Variants in PKIB observed in about 807,000 individuals in gnomAD.
PKIB encodes cAMP-dependent protein kinase inhibitor beta, also known as PKI-beta.
In PKIB, 2 loss-of-function variants were observed where a neutral mutation model predicts 4.5. The observed-to-expected ratio is 0.44, with a 90% confidence interval of 0.18 to 1.39. The LOEUF (loss-of-function observed/expected upper bound fraction) is 1.39, where lower values mean the gene tolerates loss of function less well. Among genes scored for constraint, PKIB ranks in the 40% most tolerant of loss-of-function variants. The pLI is 0.27. For missense variants in PKIB, 94 were observed against 92.6 expected (o/e 1.02, Z -0.06); for synonymous variants, 38 against 36.0 (o/e 1.06, Z -0.20).
intron 3 of PKIB, among the ~76,000 whole-genome samples, chr6:122,704,252 A>G (rs1191122421): frequency 6.6e-6 from 1 of 152,112 alleles, no homozygotes; most frequent in Non-Finnish European, 1.5e-5. Context: ...GAGAAGGGCA[A>G]TGTGTTTTAT....
chr6:122,646,733 G>A (rs967866858), intron 2 of PKIB, among the ~76,000 whole-genome samples: 1 of 152,110 alleles, frequency 6.6e-6, no homozygotes, highest in East Asian at 1.9e-4. Flanking sequence ...AAATTTTTCT[G>A]TCATAAAATA....
At chr6:122,632,487 A>G (rs1775742498) in intron 1 of PKIB, among the ~76,000 whole-genome samples, 1 of 152,256 alleles carries the variant, frequency 6.6e-6, no homozygotes, top group Non-Finnish European at 1.5e-5. Context: ...CCACCTCCAC[A>G]GAAGTATATA....
intron 3 of PKIB, among the ~76,000 whole-genome samples, chr6:122,709,185 A>T (rs1043647000): frequency 5.3e-5 from 8 of 152,298 alleles, no homozygotes; most frequent in African/African-American, 1.7e-4. Context: ...GTAGAATGCT[A>T]ATCAACAAAG....
intron 2 of PKIB, among the ~76,000 whole-genome samples, chr6:122,523,780 A>G (rs555771843): frequency 1.6e-4 from 25 of 151,698 alleles, no homozygotes; most frequent in Admixed American, 1.4e-3. Context: ...GAAACTCGGT[A>G]TCAAGAAAAA....
intron 3 of PKIB, among the ~76,000 whole-genome samples, chr6:122,683,215 G>T (rs891088129): frequency 4.6e-5 from 7 of 152,154 alleles, no homozygotes; most frequent in African/African-American, 1.7e-4. Flanking sequence ...TTATTAAAAA[G>T]ATTTAATTGG....
chr6:122,620,539 T>G (rs1775183817), intron 1 of PKIB, among the ~76,000 whole-genome samples: 1 of 152,198 alleles, frequency 6.6e-6, no homozygotes, highest in South Asian at 2.1e-4. Flanking sequence ...AGTATCAAAA[T>G]ATTTGAGAAT....
rs373034085 is a variant in PKIB at position 122,507,985 on chromosome 6, T to A, written c.-248+30046T>A. 7.6e-4 allele frequency among the ~76,000 whole-genome samples: 116 copies of A among 152,298 alleles called. 1 individual carries two copies. Among genetic ancestry groups the A allele is most frequent in the Middle Eastern group, 3.4e-3 (1 of 294 alleles). On this transcript the variant is annotated intron_variant, in intron 2 of 6. Transcript: ENST00000392491. ...AGGGGTGGAATATTTTTAATTTTTT[T>A]AATTTTTTGTTTATGTAATTGTATT...
chr6:122,664,228 G>T (rs1777128443), intron 2 of PKIB, among the ~76,000 whole-genome samples: 1 of 152,116 alleles, frequency 6.6e-6, no homozygotes, highest in Admixed American at 6.5e-5. Context: ...ATTGGTTTTA[G>T]TGACTCAGCA....
intron 2 of PKIB, among the ~76,000 whole-genome samples, chr6:122,656,828 A>C (rs1243458218): frequency 1.3e-5 from 2 of 152,232 alleles, no homozygotes; most frequent in African/African-American, 2.4e-5. Context: ...CACACTAGCT[A>C]TATTTGCCAC....
rs1160705181 is a variant in PKIB at position 122,615,005 on chromosome 6, G to A, written c.-161+4470G>A. 2.6e-5 allele frequency among the ~76,000 whole-genome samples: 4 copies of A among 152,068 alleles called. No homozygotes were observed. The East Asian group carries it at 5.8e-4, about 22-fold the overall frequency. On this transcript the variant is annotated intron_variant, in intron 1 of 4. Coordinates refer to ENST00000368452, the MANE Select transcript of PKIB (RefSeq NM_181795.3). ...AAAAGGCCTTGAAATCTAATGAAAA[G>A]CCAGATTATAGGTATGGTGGATTTT...
chr6:122,681,615 T>C (rs1010630017), intron 3 of PKIB, among the ~76,000 whole-genome samples: 2 of 152,082 alleles, frequency 1.3e-5, no homozygotes, highest in East Asian at 1.9e-4. Flanking sequence ...GATTAACCAA[T>C]TAAGAAAAAA....
rs1290645757 is a variant in PKIB, at chr6:122,541,405, T to A, written c.-247-44516T>A. ...GGTGACAAAATCTCTCAGCATTTGC[T>A]TGTCTGTAAAGTATTTTATTTCTCC... On this transcript the variant is annotated intron_variant, in intron 2 of 6. Transcript: ENST00000392491. 2.6e-5 allele frequency among the ~76,000 whole-genome samples: 4 copies of A among 151,706 alleles called. 1 individual carries two copies. The highest frequency in any genetic ancestry group is 9.7e-5 in the African/African-American group (4 of 41,222).
At chr6:122,511,063 T>G (rs961729105) in intron 2 of PKIB, among the ~76,000 whole-genome samples, 71 of 152,160 alleles carry the variant, frequency 4.7e-4, no homozygotes, top group Non-Finnish European at 4.4e-5. Context: ...TAGACGTGGT[T>G]CAGGGTCCTG....
At chr6:122,601,061 TAA>T (rs35514778) in intron 3 of PKIB, among the ~76,000 whole-genome samples, 7 of 139,104 alleles carry the variant, frequency 5.0e-5, no homozygotes, top group South Asian at 2.3e-4. Context: ...TATGACAGAG[TAA>T]AAAAAAAAAA....
At chr6:122,716,700 T>C (rs1356992689) in intron 3 of PKIB, among the ~76,000 whole-genome samples, 2 of 152,182 alleles carry the variant, frequency 1.3e-5, no homozygotes, top group Non-Finnish European at 2.9e-5. Flanking sequence ...ATTTCCTGAA[T>C]TGAAGTTACT....
intron 1 of PKIB, among the ~76,000 whole-genome samples, chr6:122,631,723 T>C (rs548847984): frequency 2.0e-5 from 3 of 152,218 alleles, no homozygotes; most frequent in East Asian, 3.9e-4. Flanking sequence ...AGCTGATAAA[T>C]AGATGAGTTG....
intron 1 of PKIB, among the ~76,000 whole-genome samples, chr6:122,616,637 C>A (rs1433902892): frequency 6.6e-6 from 1 of 151,522 alleles, no homozygotes; most frequent in Non-Finnish European, 1.5e-5. Flanking sequence ...GGGTTAAGGA[C>A]GAAAGTGGAG....
At chr6:122,604,399 T>G (rs35584408) in intron 3 of PKIB, among the ~76,000 whole-genome samples, 19,765 of 152,166 alleles carry the variant, frequency 0.13, 1,571 homozygotes, top group South Asian at 0.27. Flanking sequence ...AAGTAGAAGA[T>G]TTGTGCACAG....
intron 2 of PKIB, chr6:122,585,851 G>A (rs530236410): frequency 5.3e-5 from 8 of 152,146 alleles, no homozygotes; most frequent in African/African-American, 1.4e-4. Flanking sequence ...TATTACTTAC[G>A]TGTTATGTTA....
Sources: allele counts gnomAD v4.1 joint callset (sites outside exome capture counted in the v4.1 genomes callset), GRCh38; gene constraint gnomAD v4.1.1; transcripts MANE v1.5; gene names NCBI Gene and HGNC (gene_info 2026-07-23, HGNC 2026-07-21).